NCOA6: variants seen among roughly 807,000 people sequenced by gnomAD.
NCOA6 encodes the protein nuclear receptor coactivator 6, also known as NRC RAP250.
A neutral mutation model predicts 171.4 loss-of-function variants in NCOA6; 49 were observed. That is an observed-to-expected ratio of 0.29 (90% CI 0.23 to 0.36). The LOEUF (loss-of-function observed/expected upper bound fraction) is 0.36, where lower values mean the gene tolerates loss of function less well. NCOA6 is among the 10% of genes least tolerant of loss of function. NCOA6 has a pLI of 1.00. For missense variants in NCOA6, 2,248 were observed against 2,554.5 expected, an observed-to-expected ratio of 0.88 and a Z score of 2.59; for synonymous variants, 910 against 927.5, an observed-to-expected ratio of 0.98 and a Z score of 0.34.
At position 34,757,881 on chromosome 20, in the gene NCOA6, T is replaced by A. The variant is rs1600879740; in HGVS notation, c.867A>T (p.Arg289Ser). 1 of 1,613,716 alleles carries A rather than the reference T, an allele frequency of 6.2e-7. No individual in the cohort carries two copies. The highest frequency in any genetic ancestry group is 1.3e-5 in the African/African-American group (1 of 74,772). ...GTTGCTGCTGATGTTGCTGTGGGGGTCTTGCCTGCAACTGTTGTTGCTGCT... is the reference window on the plus strand; with the variant it reads ...GTTGCTGCTGATGTTGCTGTGGGGGACTTGCCTGCAACTGTTGTTGCTGCT... ...QQQQQQQLQA[R>S]PPQQHQQQQP... The change falls in exon 7 of 15, where the codon AGA becomes AGT. Residue 289 changes from arginine (R) to serine (S), a missense_variant. By Grantham distance (110) the Arg-to-Ser change is moderately radical. Coordinates refer to ENST00000359003, the MANE Select transcript of NCOA6 (RefSeq NM_014071.5).
intron 4 of NCOA6, 83 bp downstream of exon 4, chr20:34,776,210 A>C (rs2077316626): frequency 6.6e-7 from 1 of 1,505,022 alleles, no homozygotes; most frequent in East Asian, 2.3e-5. Flanking sequence ...GCAGAGGAAC[A>C]GACAAAGCAG....
chr20:34,768,380 C>CA lies in NCOA6; in HGVS notation c.514+83dup, dbSNP rs1052208548. On this transcript the variant is annotated intron_variant, in intron 5 of 14. Coordinates refer to ENST00000359003, the MANE Select transcript of NCOA6 (RefSeq NM_014071.5). Reference sequence around the variant, plus strand: ...AGATGTTAAGTATGCCATGAACCCCCACCTATCTTGCAGGGCTCAAATGAT... The same window carrying CA: ...AGATGTTAAGTATGCCATGAACCCCCAACCTATCTTGCAGGGCTCAAATGAT... The CA allele has an allele frequency of 1.3e-4, 205 of 1,531,666 alleles. 1 individual carries two copies. Among genetic ancestry groups the CA allele is most frequent in the Non-Finnish European group, 1.8e-4 (199 of 1,122,784 alleles). The allele number at this position is 1,531,666 out of a possible 1,614,324, so 94.9% of individuals were successfully genotyped here. A position where few individuals can be genotyped will look rare whatever the true frequency, so the allele number is the denominator to read the frequency against.
rs1290638674 is a variant in NCOA6, at chr20:34,757,247, G to A, written c.1501C>T (p.Pro501Ser). The A allele has an allele frequency of 6.2e-7, 1 of 1,601,060 alleles. No individual in the cohort carries two copies. The highest frequency in any genetic ancestry group is 1.3e-5 in the African/African-American group (1 of 74,766). Residue 501 changes from proline to serine, a missense_variant, in exon 7 of 15, where the codon CCA becomes TCA. Coordinates refer to ENST00000359003, the MANE Select transcript of NCOA6 (RefSeq NM_014071.5). ...VMQQQPPNQG[P>S]QSLHPGLGGM... ...CCTAGGCCTGGATGTAAACTCTGTG[G>A]CCCCTGGTTTGGTGGTTGCTGCTGC...
intron 14 of NCOA6, among the ~76,000 whole-genome samples, chr20:34,724,360 C>T (rs147287810): frequency 6.6e-6 from 1 of 152,270 alleles, no homozygotes; most frequent in East Asian, 1.9e-4. Context: ...TGTGAGGCAT[C>T]GTGACATTCT....
Position 34,746,600 on chromosome 20 carries a change from ATGTG to A in NCOA6, c.2914+203_2914+206del, listed in dbSNP as rs915657100. On this transcript the variant is annotated intron_variant, in intron 10 of 14. Coordinates refer to ENST00000359003, the MANE Select transcript of NCOA6 (RefSeq NM_014071.5). ...AATAACAAAGACAAATTTGAATAGA[ATGTG>A]TGTGTGTATGTGCCTTCAAAAGTTA... is the stretch of plus-strand genomic sequence containing the variant. Among the ~76,000 whole-genome samples the A allele has an allele frequency of 2.6e-5, 4 of 152,148 alleles. No homozygotes were observed. In the East Asian group the frequency reaches 5.8e-4, roughly 22 times the overall value.
chr20:34,810,886 C>T (rs1199596044), intron 1 of NCOA6, among the ~76,000 whole-genome samples: 2 of 152,058 alleles, frequency 1.3e-5, no homozygotes, highest in Middle Eastern at 3.4e-3. Flanking sequence ...TTTTCAAATG[C>T]TTTCAATGTA....
intron 2 of NCOA6, among the ~76,000 whole-genome samples, chr20:34,789,501 G>A (rs1244148313): frequency 6.6e-6 from 1 of 152,144 alleles, no homozygotes; most frequent in Non-Finnish European, 1.5e-5. Flanking sequence ...GGCTAGGTGT[G>A]CTGGTTCACA....
intron 8 of NCOA6, 108 bp from the exon 9 acceptor site, chr20:34,750,627 ACTG>A (rs1459447338): frequency 1.7e-6 from 2 of 1,177,626 alleles, no homozygotes; most frequent in South Asian, 3.5e-5. Flanking sequence ...CCTTATATCC[ACTG>A]ACCAACATAA....
chr20:34,737,164 T>G (rs571872100), intron 11 of NCOA6, among the ~76,000 whole-genome samples: 1 of 152,302 alleles, frequency 6.6e-6, no homozygotes, highest in South Asian at 2.1e-4. Flanking sequence ...AAATCTAGCC[T>G]CACTCCCTAA....
At chr20:34,754,420 G>C (rs1222125262) in intron 8 of NCOA6, among the ~76,000 whole-genome samples, 1 of 152,164 alleles carries the variant, frequency 6.6e-6, no homozygotes, top group Non-Finnish European at 1.5e-5. Context: ...GCTCCAACAA[G>C]AGACTATATA....
intron 2 of NCOA6, among the ~76,000 whole-genome samples, chr20:34,787,691 G>A (rs926133222): frequency 2.0e-5 from 3 of 152,270 alleles, no homozygotes; most frequent in Admixed American, 6.5e-5. Context: ...GCCTTCAAGC[G>A]TTCTTGGCTT....
intron 1 of NCOA6, among the ~76,000 whole-genome samples, chr20:34,824,327 T>C (rs1403411644): frequency 1.3e-5 from 2 of 152,238 alleles, no homozygotes; most frequent in Non-Finnish European, 2.9e-5. Flanking sequence ...CCTCTGCCAC[T>C]AACTTGTAAG....
chr20:34,735,367 CG>C (rs1568729332), intron 12 of NCOA6, among the ~76,000 whole-genome samples: 1 of 152,046 alleles, frequency 6.6e-6, no homozygotes, highest in African/African-American at 2.4e-5. Context: ...GTGGCTGGGC[CG>C]GAAGTAGTGG....
At chr20:34,816,592 GTT>G (rs1425041907) in intron 1 of NCOA6, among the ~76,000 whole-genome samples, 2 of 152,006 alleles carry the variant, frequency 1.3e-5, no homozygotes, top group African/African-American at 4.8e-5. Flanking sequence ...TAGAGATGGG[GTT>G]TTACCATGTT....
intron 5 of NCOA6, among the ~76,000 whole-genome samples, chr20:34,760,272 GTCT>G (rs1030740784): frequency 6.6e-6 from 1 of 152,160 alleles, no homozygotes. Context: ...GCAAGAGCCT[GTCT>G]TCAAGAAAAA....
In NCOA6 at chr20:34,740,811, C is replaced by T. The variant is rs761208298; in HGVS notation, c.5445G>A (p.Lys1815=). 6.2e-7 allele frequency: 1 copy of T among 1,614,218 alleles called. No individual in the cohort carries two copies. The highest frequency in any genetic ancestry group is 1.1e-5 in the South Asian group (1 of 91,092). ...GNRRSPVSSS[K]GKGKVDKIGQ... is the part of the protein sequence containing the mutation. Reference sequence around the variant, plus strand: ...CAATTTTGTCCACTTTTCCTTTGCCCTTACTAGACGAGACTGGGCTTCGCC... The same window carrying T: ...CAATTTTGTCCACTTTTCCTTTGCCTTTACTAGACGAGACTGGGCTTCGCC... The change falls in exon 11 of 15, where the codon AAG becomes AAA. Residue 1815 remains lysine, a synonymous_variant. Coordinates refer to ENST00000359003, the MANE Select transcript of NCOA6 (RefSeq NM_014071.5).
At position 34,741,004 on chromosome 20, in the gene NCOA6, G is replaced by T; in HGVS notation, c.5252C>A (p.Ser1751Tyr). ...AGGGGGATGAGAAGGGACAACTGGA[G>T]AAGACGTACAAGGAGGGGAAGGAAG... ...VQLPSPPCTS[S>Y]PVVPSHPPVQ... The change falls in exon 11 of 15, where the codon TCT (serine) becomes TAT (tyrosine). Residue 1751 changes from serine (S) to tyrosine (Y), a missense_variant. By Grantham distance (144) the Ser-to-Tyr change is moderately radical (BLOSUM62 -2). Transcript: ENST00000359003. 6.2e-7 allele frequency: 1 copy of T among 1,614,236 alleles called. No homozygotes were observed. The highest frequency in any genetic ancestry group is 8.5e-7 in the Non-Finnish European group (1 of 1,180,034).
intron 10 of NCOA6, among the ~76,000 whole-genome samples, chr20:34,745,932 G>A (rs1189188673): frequency 6.6e-6 from 1 of 152,062 alleles, no homozygotes; most frequent in Non-Finnish European, 1.5e-5. Flanking sequence ...TAATCAGAGA[G>A]GATACAACAA....
rs781645391 is a variant in NCOA6, at chr20:34,750,481, C to T, written c.1714G>A (p.Val572Met). The T allele has an allele frequency of 3.1e-6, 5 of 1,611,866 alleles. No homozygotes were observed. The Admixed American group carries it at 6.7e-5, about 22-fold the overall frequency. Residue 572 changes from valine (V) to methionine (M), a missense_variant, in exon 9 of 15, where the codon GTG becomes ATG. This residue lies in a region of NCOA6 where 987 missense variants were observed against 1,104.7 expected (regional missense o/e 0.89). Coordinates refer to ENST00000359003, the MANE Select transcript of NCOA6 (RefSeq NM_014071.5). Reference sequence around the variant, plus strand: ...ATCATATTTGGCGGCCCGTGGGACACCTGCATCTGGTTTTGAGGAGGACCA... The same window carrying T: ...ATCATATTTGGCGGCCCGTGGGACATCTGCATCTGGTTTTGAGGAGGACCA... ...GAGPPQNQMQ[V>M]SHGPPNMMQP...
Sources: allele counts gnomAD v4.1 joint callset (sites outside exome capture counted in the v4.1 genomes callset), GRCh38; gene constraint gnomAD v4.1.1; regional missense constraint gnomAD v4.1.1; transcripts MANE v1.5; gene names NCBI Gene and HGNC (gene_info 2026-07-23, HGNC 2026-07-21).